The following DGKZ variants were observed in gnomAD, a reference collection of about 807,000 sequenced individuals.
DGKZ encodes the protein diacylglycerol kinase zeta, also known as DAG kinase zeta.
A neutral mutation model predicts 142.5 loss-of-function variants in DGKZ; 45 were observed. That is an observed-to-expected ratio of 0.32 (90% CI 0.25 to 0.40). DGKZ has a LOEUF of 0.40. Among genes scored for constraint, DGKZ ranks in the 10% least tolerant of loss-of-function variants. The pLI, the probability that DGKZ is intolerant of heterozygous loss-of-function variation, is 1.00. For missense variants in DGKZ, 755 were observed against 1,306.5 expected, an observed-to-expected ratio of 0.58 and a Z score of 6.51; for synonymous variants, 442 against 527.0, an observed-to-expected ratio of 0.84 and a Z score of 2.21.
At chr11:46,378,615 C>G (rs552839258) in intron 27 of DGKZ, 115 bp downstream of exon 27, 1 of 1,392,822 alleles carries the variant, frequency 7.2e-7, no homozygotes, top group South Asian at 1.2e-5. Context: ...CTGTCATCGT[C>G]TGGCCCTCTG....
chr11:46,356,482 G>A (rs12576115), intron 1 of DGKZ, among the ~76,000 whole-genome samples: 23,808 of 152,188 alleles, frequency 0.16, 1,950 homozygotes, highest in Middle Eastern at 0.18. Context: ...TGAGGCCCTG[G>A]GGCTCACAGC....
chr11:46,337,992 AC>A (rs1284362266), intron 1 of DGKZ, among the ~76,000 whole-genome samples: 1 of 151,928 alleles, frequency 6.6e-6, no homozygotes, highest in Non-Finnish European at 1.5e-5. Context: ...CAAAAGTGTG[AC>A]CCCCATACAG....
intron 1 of DGKZ, among the ~76,000 whole-genome samples, chr11:46,364,122 G>A (rs79043226): frequency 0.024 from 3,730 of 152,306 alleles, 73 homozygotes; most frequent in Admixed American, 0.068. Flanking sequence ...CCCCATCCCA[G>A]CCTCATGTTC....
chr11:46,371,276 G>T (rs750486053), intron 6 of DGKZ, 37 bp from the exon 7 acceptor site: 33 of 1,602,398 alleles, frequency 2.1e-5, no homozygotes, highest in Non-Finnish European at 2.6e-5. Context: ...GCTGCTCCAC[G>T]CCTGCCCTGG....
intron 1 of DGKZ, among the ~76,000 whole-genome samples, chr11:46,356,933 T>C (rs543135156): frequency 6.6e-6 from 1 of 152,262 alleles, no homozygotes; most frequent in East Asian, 1.9e-4. Flanking sequence ...AAATACAGCA[T>C]TAAAAATATG....
At chr11:46,354,688 T>G (rs915080983) in intron 1 of DGKZ, among the ~76,000 whole-genome samples, 1 of 152,196 alleles carries the variant, frequency 6.6e-6, no homozygotes, top group Non-Finnish European at 1.5e-5. Context: ...AATTCTGATT[T>G]TGGTGTGTGT....
intron 1 of DGKZ, among the ~76,000 whole-genome samples, chr11:46,356,040 C>A (rs1012648531): frequency 6.6e-6 from 1 of 152,180 alleles, no homozygotes; most frequent in South Asian, 2.1e-4. Flanking sequence ...GCCACCCGCC[C>A]GGCCAGGGTG....
chr11:46,349,587 T>C (rs1189134427), intron 1 of DGKZ, among the ~76,000 whole-genome samples: 2 of 152,134 alleles, frequency 1.3e-5, no homozygotes, highest in Non-Finnish European at 2.9e-5. Context: ...TTTGTAGAGA[T>C]GAGATCTCAC....
At chr11:46,375,988 A>AGG in intron 21 of DGKZ, 37 bp downstream of exon 21, 3 of 1,611,584 alleles carry the variant, frequency 1.9e-6, no homozygotes, top group Non-Finnish European at 2.5e-6. Flanking sequence ...GGTGGCCAGG[A>AGG]GGGGCTGAAG....
chr11:46,338,439 T>C (rs1219436743), intron 1 of DGKZ, among the ~76,000 whole-genome samples: 1 of 124,668 alleles, frequency 8.0e-6, no homozygotes, highest in Non-Finnish European at 1.6e-5. Context: ...AAGGTTGCAG[T>C]AAGCCAACAT....
chr11:46,371,921 T>C (rs1204373756), intron 9 of DGKZ, 146 bp downstream of exon 9: 3 of 1,217,964 alleles, frequency 2.5e-6, no homozygotes, highest in Non-Finnish European at 3.5e-6. Flanking sequence ...CAGGATTAGA[T>C]GCCAGTTTCT....
rs781025975 is a variant in DGKZ, at chr11:46,366,393, T to C, written c.162-898T>C. The C allele has an allele frequency of 2.2e-5, 33 of 1,524,684 alleles. No homozygotes were observed. The highest frequency in any genetic ancestry group is 2.9e-5 in the Non-Finnish European group (33 of 1,138,080). 94.4% of individuals were successfully genotyped at this position (1,524,684 alleles called of 1,614,324 possible). ...CCCGCTGGGCAGGCCTCCTCCTCAC[T>C]GGCACAGCGGCGCCGCTCCAGCGCC... On this transcript the variant is annotated intron_variant, in intron 1 of 30. Coordinates refer to ENST00000527911, the Ensembl canonical transcript of DGKZ.
intron 1 of DGKZ, among the ~76,000 whole-genome samples, chr11:46,358,092 C>G (rs1444910028): frequency 6.6e-6 from 1 of 152,110 alleles, no homozygotes; most frequent in Non-Finnish European, 1.5e-5. Flanking sequence ...TTGATAAAGT[C>G]AAAACTATTT....
Position 46,372,990 on chromosome 11 carries a change from C to T in DGKZ, c.1215C>T (p.Ile405=), listed in dbSNP as rs1470500087. The T allele has an allele frequency of 6.5e-7, 1 of 1,539,188 alleles. No individual in the cohort carries two copies. The highest frequency in any genetic ancestry group is 1.2e-5 in the South Asian group (1 of 83,726). Residue 405 remains isoleucine, a synonymous_variant, in exon 14 of 31, where the codon ATC becomes ATT. Transcript: ENST00000527911. This position sits in a 1 kb window ranked among gnomAD's most constrained non-coding sequence, Gnocchi z 5.9. ...ACACAGATGAGCCTGTGTCCAAGAT[C>T]CTCTCCCACGTGGAGGAGGGGAACG...
chr11:46,376,657 G>A (rs1170439748), intron 24 of DGKZ, 93 bp downstream of exon 24: 4 of 1,508,750 alleles, frequency 2.7e-6, no homozygotes. Context: ...CCCCCGATGG[G>A]CTCACCTCTG....
chr11:46,347,604 G>A lies in DGKZ; in HGVS notation c.-56G>A. ...GGAGCGGGCGTGCTGAGCCCCGGCC[G>A]CCGGCCCGGCATGGGCGTCTCCCGC... On this transcript the variant is annotated 5_prime_UTR_variant, in exon 1 of 31. Coordinates refer to ENST00000527911, the Ensembl canonical transcript of DGKZ. This position sits in a 1 kb window ranked among gnomAD's most constrained non-coding sequence, Gnocchi z 6.4. The A allele has an allele frequency of 9.8e-7, 1 of 1,017,012 alleles. No individual in the cohort carries two copies. The highest frequency in any genetic ancestry group is 1.2e-6 in the Non-Finnish European group (1 of 824,632). 63.0% of individuals were successfully genotyped at this position (1,017,012 alleles called of 1,614,324 possible).
intron 1 of DGKZ, among the ~76,000 whole-genome samples, chr11:46,363,909 C>T (rs947904161): frequency 6.6e-6 from 1 of 152,194 alleles, no homozygotes; most frequent in African/African-American, 2.4e-5. Context: ...GTTCAGGTCC[C>T]GAATGCCGCT....
At position 46,378,040 on chromosome 11, in the gene DGKZ, G is replaced by C. The variant is rs1055868816; in HGVS notation, c.2343-158G>C. On this transcript the variant is annotated intron_variant, in intron 25 of 30. Coordinates refer to ENST00000527911, the Ensembl canonical transcript of DGKZ. Reference sequence around the variant, plus strand: ...TGAGGGCAAGGCCTTCCTCTGTCTCGTTTCCCTGCTGTATCCCCAGTGCCT... The same window carrying C: ...TGAGGGCAAGGCCTTCCTCTGTCTCCTTTCCCTGCTGTATCCCCAGTGCCT... 3.4e-6 allele frequency: 3 copies of C among 891,114 alleles called. No homozygotes were observed. In the East Asian group the frequency reaches 8.0e-5, roughly 24 times the overall value. The allele number at this position is 891,114 out of a possible 1,614,324, so 55.2% of individuals were successfully genotyped here.
At chr11:46,346,138 C>T (rs1172022103), upstream of DGKZ, among the ~76,000 whole-genome samples, 3 of 152,164 alleles carry the variant, frequency 2.0e-5, no homozygotes, top group South Asian at 2.1e-4. Context: ...TTCTGGGCCT[C>T]GGGGTGCTGG....
Sources: allele counts gnomAD v4.1 joint callset (sites outside exome capture counted in the v4.1 genomes callset), GRCh38; gene constraint gnomAD v4.1.1; non-coding constraint Gnocchi (gnomAD v3.1); transcripts MANE v1.5; gene names NCBI Gene and HGNC (gene_info 2026-07-23, HGNC 2026-07-21).